The following TMEM170A variants were observed in gnomAD, a reference collection of about 807,000 sequenced individuals.
The protein encoded by TMEM170A is transmembrane protein 170.
TMEM170A carries 18 observed loss-of-function variants against 12.8 expected under a neutral mutation model. The ratio of observed to expected loss-of-function variants is 1.41; its 90% CI spans 0.97 to 2.09. The LOEUF is 2.09. Ranked by LOEUF, TMEM170A falls within the 30% of genes most tolerant of loss-of-function variation. TMEM170A has a pLI of 0.00. For synonymous variants in TMEM170A, 107 were observed against 76.2 expected, an observed-to-expected ratio of 1.40 and a Z score of -2.11; for missense variants, 220 against 179.9, an observed-to-expected ratio of 1.22 and a Z score of -1.28.
chr16:75,451,366 C>G (rs900184475), intron 2 of TMEM170A: 1 of 479,338 alleles, frequency 2.1e-6, no homozygotes, highest in Admixed American at 3.7e-5. Flanking sequence ...GGCAACATGA[C>G]GAAACCCTGT....
At chr16:75,451,610 T>C in intron 2 of TMEM170A, 59 bp downstream of exon 2, 1 of 1,555,532 alleles carries the variant, frequency 6.4e-7, no homozygotes, top group Non-Finnish European at 8.9e-7. Context: ...CTAGAATAGG[T>C]CCTGAAATTG....
In TMEM170A at chr16:75,443,372, A is replaced by G. The variant is rs1226747664; in HGVS notation, c.*4186T>C. ...TGACTGTAGCAGTTAGTGAAATAAC[A>G]TAATATAAAAAGTTAAGCTGATCTG... On this transcript the variant is annotated 3_prime_UTR_variant, in exon 3 of 3. Transcript: ENST00000561878. 1 of 152,224 alleles carries G rather than the reference A, an allele frequency of 6.6e-6. No homozygotes were observed. The highest frequency in any genetic ancestry group is 2.4e-5 in the African/African-American group (1 of 41,444). The allele number at this position is 152,224 out of a possible 1,614,324, so 9.4% of individuals were successfully genotyped here. A position where few individuals can be genotyped will look rare whatever the true frequency, so the allele number is the denominator to read the frequency against.
intron 1 of TMEM170A, 65 bp downstream of exon 1, chr16:75,464,403 G>A: frequency 1.4e-6 from 2 of 1,384,942 alleles, no homozygotes; most frequent in Non-Finnish European, 1.9e-6. Context: ...CCAGACTCGG[G>A]GCGCCCACAG....
At chr16:75,450,499 G>T (rs1000412310) in intron 2 of TMEM170A, among the ~76,000 whole-genome samples, 1 of 151,996 alleles carries the variant, frequency 6.6e-6, no homozygotes, top group Non-Finnish European at 1.5e-5. Flanking sequence ...TCTCATTTCT[G>T]TAACTGTTTC....
chr16:75,449,481 TTTTA>T (rs987954880), intron 2 of TMEM170A, among the ~76,000 whole-genome samples: 2 of 152,068 alleles, frequency 1.3e-5, no homozygotes, highest in Middle Eastern at 3.4e-3. Flanking sequence ...CACCTGGCTA[TTTTA>T]TTTATTTATT....
rs2079540455 is a variant in TMEM170A, at chr16:75,443,882, A to G, written c.*3676T>C. On this transcript the variant is annotated 3_prime_UTR_variant, in exon 3 of 3. Coordinates refer to ENST00000561878, the MANE Select transcript of TMEM170A (RefSeq NM_145254.3). Reference sequence around the variant, plus strand: ...GGCGGGTGGATCACTTGAAGTCAGGAGTTTGAGACCAGCCTGTCCAACATA... The same window carrying G: ...GGCGGGTGGATCACTTGAAGTCAGGGGTTTGAGACCAGCCTGTCCAACATA... The G allele has an allele frequency of 6.6e-6, 1 of 152,134 alleles. No homozygotes were observed. Among genetic ancestry groups the G allele is most frequent in the South Asian group, 2.1e-4 (1 of 4,830 alleles). 9.4% of individuals were successfully genotyped at this position (152,134 alleles called of 1,614,324 possible).
intron 1 of TMEM170A, among the ~76,000 whole-genome samples, chr16:75,455,140 G>A (rs984157568): frequency 6.6e-6 from 1 of 152,082 alleles, no homozygotes; most frequent in Non-Finnish European, 1.5e-5. Flanking sequence ...GGCAGATCAC[G>A]AGGTCAGAAG....
At position 75,446,786 on chromosome 16, in the gene TMEM170A, T is replaced by A. The variant is rs1445317537; in HGVS notation, c.*772A>T. On this transcript the variant is annotated 3_prime_UTR_variant, in exon 3 of 3. Coordinates refer to ENST00000561878, the MANE Select transcript of TMEM170A (RefSeq NM_145254.3). Reference sequence around the variant, plus strand: ...TAGGGTATGTATGTTTCCAATTAAATGAAATAAAATTAAGAGAATTAAAAG... The same window carrying A: ...TAGGGTATGTATGTTTCCAATTAAAAGAAATAAAATTAAGAGAATTAAAAG... 1 of 152,286 alleles carries A rather than the reference T, an allele frequency of 6.6e-6. No individual in the cohort carries two copies. The highest frequency in any genetic ancestry group is 1.9e-4 in the East Asian group (1 of 5,184). The allele number at this position is 152,286 out of a possible 1,614,324, so 9.4% of individuals were successfully genotyped here.
In TMEM170A at chr16:75,447,519, A is replaced by G. The variant is rs1038178603; in HGVS notation, c.*39T>C. On this transcript the variant is annotated 3_prime_UTR_variant, in exon 3 of 3. Coordinates refer to ENST00000561878, the MANE Select transcript of TMEM170A (RefSeq NM_145254.3). ...ATAATGTATTCTTTTGGAGGATTCC[A>G]TAAAGTTTAAGTTCAACATCTCAGC... The G allele has an allele frequency of 1.9e-6, 3 of 1,578,052 alleles. No individual in the cohort carries two copies. Among genetic ancestry groups the G allele is most frequent in the African/African-American group, 2.7e-5 (2 of 72,820 alleles).
chr16:75,460,669 G>A (rs1282526883), intron 1 of TMEM170A, among the ~76,000 whole-genome samples: 1 of 152,132 alleles, frequency 6.6e-6, no homozygotes, highest in African/African-American at 2.4e-5. Flanking sequence ...ACCACCAGCT[G>A]TTTTGTTTTT....
chr16:75,451,005 C>T (rs760581108), intron 2 of TMEM170A, among the ~76,000 whole-genome samples: 106 of 152,238 alleles, frequency 7.0e-4, no homozygotes, highest in Non-Finnish European at 3.8e-4. Context: ...TTTACAGCAA[C>T]CACACCCACA....
At chr16:75,458,563 G>T (rs150610026) in intron 1 of TMEM170A, 6 of 152,324 alleles carry the variant, frequency 3.9e-5, no homozygotes, top group African/African-American at 1.4e-4. Flanking sequence ...GCCTCTAAAT[G>T]CTGGAAAAGG....
chr16:75,451,570 T>A lies in TMEM170A; in HGVS notation c.304+99A>T, dbSNP rs2079682052. The A allele has an allele frequency of 2.2e-6, 3 of 1,338,978 alleles. No homozygotes were observed. In the East Asian group the frequency reaches 7.0e-5, roughly 31 times the overall value. 82.9% of individuals were successfully genotyped at this position (1,338,978 alleles called of 1,614,324 possible). A position where few individuals can be genotyped will look rare whatever the true frequency, so the allele number is the denominator to read the frequency against. ...GTCTGGACTTGCAGTTAAAAGGCACTCTTTCCTTCATCCTACTCAGATATG... is the reference window on the plus strand; with the variant it reads ...GTCTGGACTTGCAGTTAAAAGGCACACTTTCCTTCATCCTACTCAGATATG... On this transcript the variant is annotated intron_variant, in intron 2 of 2. Coordinates refer to ENST00000561878, the MANE Select transcript of TMEM170A (RefSeq NM_145254.3).
rs921748920 is a variant in TMEM170A, at chr16:75,461,009, A to G, written c.133+3459T>C. On this transcript the variant is annotated intron_variant, in intron 1 of 2. Coordinates refer to ENST00000561878, the MANE Select transcript of TMEM170A (RefSeq NM_145254.3). ...GAGGTTTGTTAAAAATGACAACAAT[A>G]AAGGAAAAAATTTTAAACTGCATTT... Among the ~76,000 whole-genome samples, 10 of 152,148 alleles carry G rather than the reference A, an allele frequency of 6.6e-5. No homozygotes were observed. The East Asian group carries it at 1.7e-3, about 26-fold the overall frequency.
chr16:75,462,022 C>A (rs867279150), intron 1 of TMEM170A, among the ~76,000 whole-genome samples: 2 of 152,142 alleles, frequency 1.3e-5, no homozygotes, highest in African/African-American at 4.8e-5. Flanking sequence ...CAACTTATGA[C>A]CCTACATATG....
At chr16:75,463,544 G>T (rs2079943310) in intron 1 of TMEM170A, among the ~76,000 whole-genome samples, 1 of 152,184 alleles carries the variant, frequency 6.6e-6, no homozygotes, top group African/African-American at 2.4e-5. Context: ...GCCTTGTTTG[G>T]AACTAGAGTC....
At position 75,464,674 on chromosome 16, in the gene TMEM170A, T is replaced by C; in HGVS notation, c.-74A>G. 6.6e-7 allele frequency: 1 copy of C among 1,515,544 alleles called. No homozygotes were observed. The highest frequency in any genetic ancestry group is 2.8e-5 in the East Asian group (1 of 36,154). The allele number at this position is 1,515,544 out of a possible 1,614,324, so 93.9% of individuals were successfully genotyped here. On this transcript the variant is annotated 5_prime_UTR_variant, in exon 1 of 3. Coordinates refer to ENST00000561878, the MANE Select transcript of TMEM170A (RefSeq NM_145254.3). Reference sequence around the variant, plus strand: ...GGTAGCGGCCGGCGCCGACTCACCCTCGCCGCCTCAGCGTCACCTCCAGCC... The same window carrying C: ...GGTAGCGGCCGGCGCCGACTCACCCCCGCCGCCTCAGCGTCACCTCCAGCC...
In TMEM170A at chr16:75,446,226, T is replaced by C. The variant is rs539813766; in HGVS notation, c.*1332A>G. On this transcript the variant is annotated 3_prime_UTR_variant, in exon 3 of 3. Coordinates refer to ENST00000561878, the MANE Select transcript of TMEM170A (RefSeq NM_145254.3). ...TCAGATTTAATCACCAGAAACTATT[T>C]TGCAGATAACCACCACCACTACCAC... 1 of 152,078 alleles carries C rather than the reference T, an allele frequency of 6.6e-6. No individual in the cohort carries two copies. The highest frequency in any genetic ancestry group is 2.1e-4 in the South Asian group (1 of 4,814). The allele number at this position is 152,078 out of a possible 1,614,324, so 9.4% of individuals were successfully genotyped here.
intron 1 of TMEM170A, chr16:75,459,935 T>G (rs1367424499): frequency 6.6e-6 from 1 of 152,244 alleles, no homozygotes; most frequent in African/African-American, 2.4e-5. Flanking sequence ...CCCATCAGCC[T>G]GCAGCCCTGC....
Sources: gnomAD v4.1 joint callset for allele counts (sites outside exome capture counted in the v4.1 genomes callset) on GRCh38, gnomAD v4.1.1 for gene constraint, MANE v1.5 for transcripts, NCBI Gene and HGNC (gene_info 2026-07-23, HGNC 2026-07-21) for gene names.